The following MGAT5 variants were observed in gnomAD, a reference collection of about 807,000 sequenced individuals.
MGAT5 encodes the protein alpha-1,6-mannosylglycoprotein 6-beta-N-acetylglucosaminyltransferase, also known as alpha-1,6-mannosylglycoprotein 6-beta-N-acetylglucosaminyltransferase A.
MGAT5 carries 30 observed loss-of-function variants against 94.3 expected under a neutral mutation model. The ratio of observed to expected loss-of-function variants is 0.32; its 90% CI spans 0.24 to 0.43. The LOEUF (loss-of-function observed/expected upper bound fraction) is 0.43, where lower values mean the gene tolerates loss of function less well. Ranked by LOEUF, MGAT5 falls within the 20% of genes least tolerant of loss-of-function variation. MGAT5 has a pLI of 1.00. For synonymous variants in MGAT5, 310 were observed against 322.9 expected (o/e 0.96, Z 0.43); for missense variants, 691 against 905.5 (o/e 0.76, Z 3.04).
intron 4 of MGAT5, among the ~76,000 whole-genome samples, chr2:134,335,592 C>T (rs1311667594): frequency 6.6e-6 from 1 of 151,994 alleles, no homozygotes; most frequent in Non-Finnish European, 1.5e-5. Flanking sequence ...TTGGCTCTCA[C>T]AAGATCATCA....
rs186832381 is a variant in MGAT5 at position 134,406,906 on chromosome 2, G to C, written c.1530+3769G>C. 7.2e-5 allele frequency among the ~76,000 whole-genome samples: 11 copies of C among 152,188 alleles called. No homozygotes were observed. The East Asian group carries it at 1.9e-3, about 27-fold the overall frequency. On this transcript the variant is annotated intron_variant, in intron 11 of 15. Transcript: ENST00000281923. ...ACCCTGTCTTTAAAAAAGGCTGTCT[G>C]AAATACCCAGGGCTTGAGGCAGCAG...
At chr2:134,431,450 G>A (rs1270123947) in intron 14 of MGAT5, among the ~76,000 whole-genome samples, 2 of 152,200 alleles carry the variant, frequency 1.3e-5, no homozygotes, top group African/African-American at 4.8e-5. Context: ...AAGATAGGAA[G>A]CCAAGACCCC....
intron 1 of MGAT5, among the ~76,000 whole-genome samples, chr2:134,202,020 T>A (rs1264066508): frequency 6.6e-6 from 1 of 152,022 alleles, no homozygotes; most frequent in African/African-American, 2.4e-5. Context: ...ACTATTTTCA[T>A]TATATTATTA....
At chr2:134,235,678 G>T (rs1681601920) in intron 1 of MGAT5, among the ~76,000 whole-genome samples, 1 of 151,448 alleles carries the variant, frequency 6.6e-6, no homozygotes, top group Non-Finnish European at 1.5e-5. Context: ...CCCCACCCCA[G>T]ATCCTGCTGT....
chr2:134,278,850 AC>A (rs1254876532), intron 2 of MGAT5, among the ~76,000 whole-genome samples: 1 of 152,002 alleles, frequency 6.6e-6, no homozygotes, highest in East Asian at 1.9e-4. Context: ...ACTCTTCTTT[AC>A]CACTTTTTTC....
intron 2 of MGAT5, among the ~76,000 whole-genome samples, chr2:134,275,279 T>C (rs572806852): frequency 2.6e-5 from 4 of 152,254 alleles, no homozygotes; most frequent in Non-Finnish European, 2.9e-5. Flanking sequence ...TCTATCTACC[T>C]GTCACTTTCT....
intron 1 of MGAT5, among the ~76,000 whole-genome samples, chr2:134,256,323 T>C (rs1682960799): frequency 6.6e-6 from 1 of 152,222 alleles, no homozygotes; most frequent in East Asian, 1.9e-4. Context: ...CCAATGTATA[T>C]GACACAGCAG....
intron 4 of MGAT5, among the ~76,000 whole-genome samples, chr2:134,333,263 G>T (rs1287479527): frequency 1.3e-5 from 2 of 151,948 alleles, no homozygotes; most frequent in Non-Finnish European, 2.9e-5. Flanking sequence ...CATAAAAAAT[G>T]ATGAGTTCAT....
intron 2 of MGAT5, among the ~76,000 whole-genome samples, chr2:134,284,580 A>G (rs1684893126): frequency 7.1e-6 from 1 of 140,996 alleles, no homozygotes; most frequent in African/African-American, 2.9e-5. Context: ...TGTTCATAAA[A>G]TAGAGCAAAA....
chr2:134,189,602 G>GTTGTTTTTTTTTTTTTTTTTTTTTTTT (rs1689232395), intron 1 of MGAT5, among the ~76,000 whole-genome samples: 8 of 84,654 alleles, frequency 9.5e-5, no homozygotes, highest in African/African-American at 3.8e-4. Flanking sequence ...GTTTTTTTTT[G>GTTGTTTTTTTTTTTTTTTTTTTTTTTT]TTTTTTTTTT....
intron 1 of MGAT5, among the ~76,000 whole-genome samples, chr2:134,260,278 A>C (rs907357443): frequency 6.6e-6 from 1 of 152,158 alleles, no homozygotes; most frequent in Non-Finnish European, 1.5e-5. Context: ...CTATGGGAGG[A>C]AGGAAGTTTT....
intron 1 of MGAT5, among the ~76,000 whole-genome samples, chr2:134,192,465 A>G (rs1428883815): frequency 2.0e-5 from 3 of 152,098 alleles, no homozygotes; most frequent in Admixed American, 1.3e-4. Flanking sequence ...GCATCCTTAT[A>G]TCTTGCTAGC....
Position 134,138,261 on chromosome 2 carries a change from G to T in MGAT5, c.-143+17970G>T, listed in dbSNP as rs1288795298. On this transcript the variant is annotated intron_variant, in intron 1 of 16. Transcript: ENST00000409645. ...AGCAAGAAATTCACCAAATTTACTC[G>T]CTAAGAGTTAGTGATTCAGTCTGTA... Among the ~76,000 whole-genome samples the T allele has an allele frequency of 5.3e-5, 8 of 150,614 alleles. 1 individual carries two copies. Among genetic ancestry groups the T allele is most frequent in the Non-Finnish European group, 1.2e-4 (8 of 67,848 alleles).
chr2:134,357,652 G>T (rs577116950), intron 9 of MGAT5, among the ~76,000 whole-genome samples: 1 of 152,316 alleles, frequency 6.6e-6, no homozygotes, highest in South Asian at 2.1e-4. Flanking sequence ...TGAGGATTAG[G>T]ATCAGCCTCG....
chr2:134,146,878 TAA>T (rs1686946289), intron 1 of MGAT5, among the ~76,000 whole-genome samples: 1 of 152,186 alleles, frequency 6.6e-6, no homozygotes, highest in Non-Finnish European at 1.5e-5. Flanking sequence ...GGAAGGAATT[TAA>T]AAAGTCACTC....
intron 13 of MGAT5, among the ~76,000 whole-genome samples, chr2:134,424,468 C>T (rs1684467782): frequency 6.6e-6 from 1 of 152,176 alleles, no homozygotes; most frequent in East Asian, 1.9e-4. Flanking sequence ...CAGTCCCCAA[C>T]CTCAGGAGAC....
At chr2:134,337,029 G>A (rs1211730896) in intron 5 of MGAT5, among the ~76,000 whole-genome samples, 1 of 152,190 alleles carries the variant, frequency 6.6e-6, no homozygotes, top group Non-Finnish European at 1.5e-5. Flanking sequence ...GTAGCGCAGA[G>A]AGCAGCTGTA....
chr2:134,181,363 C>T (rs1573807178), intron 1 of MGAT5, among the ~76,000 whole-genome samples: 2 of 152,282 alleles, frequency 1.3e-5, no homozygotes, highest in Middle Eastern at 3.4e-3. Flanking sequence ...GAAGGGCTTA[C>T]GTGTGTCCAC....
chr2:134,381,263 A>T (rs1681525562), intron 10 of MGAT5, among the ~76,000 whole-genome samples: 1 of 151,966 alleles, frequency 6.6e-6, no homozygotes, highest in Admixed American at 6.6e-5. Context: ...TATTGTAGTT[A>T]GCCATCATCA....
Sources: gnomAD v4.1 joint callset for allele counts (sites outside exome capture counted in the v4.1 genomes callset) on GRCh38, gnomAD v4.1.1 for gene constraint, MANE v1.5 for transcripts, NCBI Gene and HGNC (gene_info 2026-07-23, HGNC 2026-07-21) for gene names.